Variants in GYPE observed in about 807,000 individuals in gnomAD.
GYPE encodes glycophorin E (MNS blood group), also known as glycophorin-E.
Under a neutral mutation model 11.6 loss-of-function variants are expected in GYPE, and 8 were observed. The observed-to-expected ratio is 0.69, with a 90% CI of 0.41 to 1.25. The LOEUF (loss-of-function observed/expected upper bound fraction) is 1.25. GYPE is among the 50% of genes most tolerant of loss of function. The probability of loss-of-function intolerance (pLI) is 0.01; values close to 1 mark genes in which losing one functional copy is unlikely to be tolerated. For missense variants in GYPE, 90 were observed against 92.8 expected (o/e 0.97, Z 0.12); for synonymous variants, 28 against 29.6 (o/e 0.94, Z 0.18).
At chr4:143,902,351 A>G (rs1414045172) in intron 1 of GYPE, among the ~76,000 whole-genome samples, 8 of 151,864 alleles carry the variant, frequency 5.3e-5, no homozygotes, top group Admixed American at 2.0e-4. Context: ...AAAAAAAAAA[A>G]AAAAAAAGAG....
chr4:143,879,840 A>G, intron 2 of GYPE, among the ~76,000 whole-genome samples: 1 of 151,798 alleles, frequency 6.6e-6, no homozygotes, highest in African/African-American at 2.4e-5. Context: ...AAAACTAACA[A>G]GAGAGACTGC....
intron 2 of GYPE, among the ~76,000 whole-genome samples, chr4:143,879,222 C>G (rs1743928912): frequency 1.3e-5 from 2 of 152,160 alleles, no homozygotes; most frequent in South Asian, 4.1e-4. Context: ...ACTGTTCCAC[C>G]TGTGCTAACC....
At chr4:143,901,510 T>C (rs1469721912) in intron 1 of GYPE, among the ~76,000 whole-genome samples, 2 of 152,026 alleles carry the variant, frequency 1.3e-5, no homozygotes, top group Admixed American at 6.6e-5. Context: ...TTTAGTTTAG[T>C]TCATTTATCA....
intron 1 of GYPE, among the ~76,000 whole-genome samples, chr4:143,896,007 C>A (rs1329431308): frequency 6.6e-6 from 1 of 151,996 alleles, no homozygotes; most frequent in Non-Finnish European, 1.5e-5. Flanking sequence ...AAAATTAATT[C>A]AAGATGGATT....
At chr4:143,901,605 A>G (rs1196032721) in intron 1 of GYPE, among the ~76,000 whole-genome samples, 1 of 150,410 alleles carries the variant, frequency 6.6e-6, no homozygotes, top group African/African-American at 2.4e-5. Flanking sequence ...ATGTAGGTCC[A>G]GCCTGATTTT....
intron 1 of GYPE, among the ~76,000 whole-genome samples, chr4:143,893,194 C>CT (rs1204955335): frequency 1.5e-5 from 2 of 130,428 alleles, no homozygotes; most frequent in Non-Finnish European, 3.3e-5. Context: ...TATTTTGAGC[C>CT]TATGTGTGTC....
intron 3 of GYPE, among the ~76,000 whole-genome samples, chr4:143,874,291 C>T (rs1743716966): frequency 6.6e-6 from 1 of 151,952 alleles, no homozygotes; most frequent in Non-Finnish European, 1.5e-5. Flanking sequence ...GCATCTCCCC[C>T]ATCCCACAGC....
chr4:143,872,839 G>C (rs1277538628), intron 3 of GYPE, among the ~76,000 whole-genome samples: 1 of 150,832 alleles, frequency 6.6e-6, no homozygotes, highest in East Asian at 2.0e-4. Context: ...TTGGGGAAAA[G>C]TTCAGTGGTT....
At chr4:143,895,266 T>C (rs1340843195) in intron 1 of GYPE, among the ~76,000 whole-genome samples, 1 of 152,142 alleles carries the variant, frequency 6.6e-6, no homozygotes, top group Non-Finnish European at 1.5e-5. Context: ...CCCATTGTCT[T>C]GGCCCAAAAT....
chr4:143,896,641 G>A (rs1184924239), intron 1 of GYPE, among the ~76,000 whole-genome samples: 1 of 152,140 alleles, frequency 6.6e-6, no homozygotes, highest in African/African-American at 2.4e-5. Context: ...ATTTGACCCA[G>A]CCATCCCATT....
intron 1 of GYPE, among the ~76,000 whole-genome samples, chr4:143,892,078 A>G (rs1744430011): frequency 1.3e-5 from 2 of 151,788 alleles, no homozygotes; most frequent in Admixed American, 1.3e-4. Context: ...TTTCTTCTAG[A>G]TTTTCTAGTT....
At chr4:143,875,226 C>T (rs536680748) in intron 3 of GYPE, 18 of 411,990 alleles carry the variant, frequency 4.4e-5, no homozygotes, top group Non-Finnish European at 7.7e-5. Flanking sequence ...TTGTTCAGAC[C>T]CTTCTTTCTT....
intron 1 of GYPE, 121 bp from the exon 2 acceptor site, chr4:143,880,630 T>A (rs1230511151): frequency 1.7e-5 from 24 of 1,405,366 alleles, no homozygotes; most frequent in Middle Eastern, 1.7e-4. Context: ...CGCTTTGGTA[T>A]ATATCTTACA....
chr4:143,901,754 G>A (rs1292081285), intron 1 of GYPE, among the ~76,000 whole-genome samples: 1 of 152,014 alleles, frequency 6.6e-6, no homozygotes, highest in Non-Finnish European at 1.5e-5. Context: ...TCTCATAGAT[G>A]TTTTGAATAA....
At chr4:143,904,158 C>G (rs1260455047) in intron 1 of GYPE, among the ~76,000 whole-genome samples, 17 of 151,828 alleles carry the variant, frequency 1.1e-4, no homozygotes, top group African/African-American at 3.9e-4. Context: ...TCTGACTTTT[C>G]AGAAATCACC....
intron 1 of GYPE, among the ~76,000 whole-genome samples, chr4:143,888,103 G>T: frequency 1.1e-5 from 1 of 88,926 alleles, no homozygotes; most frequent in East Asian, 4.0e-4. Context: ...CATGGAGGTG[G>T]GGTGACTTGG....
chr4:143,876,951 T>C, intron 2 of GYPE, 96 bp from the exon 3 acceptor site: 1 of 730,048 alleles, frequency 1.4e-6, no homozygotes, highest in East Asian at 2.7e-5. Flanking sequence ...AACATCACCT[T>C]GCCTTTTAAT....
At chr4:143,905,388 A>C (rs1745019233) in intron 1 of GYPE, 83 bp downstream of exon 1, 1 of 1,599,154 alleles carries the variant, frequency 6.3e-7, no homozygotes, top group African/African-American at 1.3e-5. Context: ...TAAATAAGAT[A>C]GAACTAAAAT....
chr4:143,872,784 TA>T (rs1743660623), intron 3 of GYPE, among the ~76,000 whole-genome samples: 1 of 152,052 alleles, frequency 6.6e-6, no homozygotes, highest in African/African-American at 2.4e-5. Context: ...GAGAAAAAAT[TA>T]GAACAAAGTT....
Sources: allele counts gnomAD v4.1 joint callset (sites outside exome capture counted in the v4.1 genomes callset), GRCh38; gene constraint gnomAD v4.1.1; transcripts MANE v1.5; gene names NCBI Gene and HGNC (gene_info 2026-07-23, HGNC 2026-07-21).